The following MMP12 variants were observed in gnomAD, a reference collection of about 807,000 sequenced individuals.
The protein encoded by MMP12 is macrophage metalloelastase.
MMP12 carries 51 observed loss-of-function variants against 45.2 expected under a neutral mutation model. The ratio of observed to expected loss-of-function variants is 1.13; its 90% CI spans 0.90 to 1.42. The LOEUF (loss-of-function observed/expected upper bound fraction) is 1.42. Among genes scored for constraint, MMP12 ranks in the 40% most tolerant of loss-of-function variants. MMP12 has a pLI of 0.00. For synonymous variants in MMP12, 210 were observed against 193.3 expected, an observed-to-expected ratio of 1.09 and a Z score of -0.72; for missense variants, 530 against 570.8, an observed-to-expected ratio of 0.93 and a Z score of 0.73.
At position 102,865,900 on chromosome 11, in the gene MMP12, C is replaced by G. The variant is rs782690905; in HGVS notation, c.1081G>C (p.Glu361Gln). ...KYWLISNLRP[E>Q]PNYPKSIHSF... Reference sequence around the variant, plus strand: ...TGTATGCTCTTGGGATAATTTGGCTCTGGTCTTAAATTGCTAATTAACCAG... The same window carrying G: ...TGTATGCTCTTGGGATAATTTGGCTGTGGTCTTAAATTGCTAATTAACCAG... The change falls in exon 8 of 10, where the codon GAG becomes CAG. Residue 361 changes from glutamate (E) to glutamine (Q), a missense_variant. Physicochemically the swap from Glu to Gln is conservative, Grantham distance 29. Coordinates refer to ENST00000571244, the MANE Select transcript of MMP12 (RefSeq NM_002426.6). This position sits in a 1 kb window ranked among gnomAD's most constrained non-coding sequence, Gnocchi z 4.1. The G allele has an allele frequency of 8.1e-6, 13 of 1,612,780 alleles. No homozygotes were observed. In the South Asian group the frequency reaches 1.3e-4, roughly 16 times the overall value.
Position 102,867,343 on chromosome 11 carries a change from C to A in MMP12, c.838G>T (p.Ala280Ser). ...AAACTCAAATTGGGGTCACAGAGAG[C>A]TGGTTCTGAATTGTCAGGATTTGGC... ...RLPNPDNSEPALCDPNLSFDA... is the reference protein window; with the variant it reads ...RLPNPDNSEPSLCDPNLSFDA... Residue 280 changes from alanine to serine, a missense_variant, in exon 6 of 10, where the codon GCT (alanine) becomes TCT (serine). By Grantham distance (99) the Ala-to-Ser change is moderately conservative. Transcript: ENST00000571244. 1 of 1,611,514 alleles carries A rather than the reference C, an allele frequency of 6.2e-7. No homozygotes were observed. The highest frequency in any genetic ancestry group is 8.5e-7 in the Non-Finnish European group (1 of 1,178,802).
chr11:102,866,305 T>C lies in MMP12; in HGVS notation c.1045+10A>G, dbSNP rs1555008532. The stretch of plus-strand genomic sequence containing the variant: ...GTAAACTCAATGGCAAAACTAAAGA[T>C]TAGAATTACCTTTAAAAAGAAAAAC... On this transcript the variant is annotated intron_variant, in intron 7 of 9. Transcript: ENST00000571244. 6.4e-7 allele frequency: 1 copy of C among 1,562,014 alleles called. No individual in the cohort carries two copies. Among genetic ancestry groups the C allele is most frequent in the South Asian group, 1.2e-5 (1 of 83,736 alleles).
intron 2 of MMP12, among the ~76,000 whole-genome samples, chr11:102,872,169 A>T (rs545485625): frequency 1.2e-4 from 18 of 152,154 alleles, no homozygotes; most frequent in Non-Finnish European, 2.2e-4. Flanking sequence ...TTTAAAACTC[A>T]CAGATCATCA....
intron 4 of MMP12, among the ~76,000 whole-genome samples, chr11:102,869,762 A>T (rs1472320029): frequency 6.6e-6 from 1 of 151,970 alleles, no homozygotes; most frequent in Non-Finnish European, 1.5e-5. Flanking sequence ...AAAAAAAAAA[A>T]AATTAGCAGG....
chr11:102,869,536 A>G (rs1204213145), intron 4 of MMP12, among the ~76,000 whole-genome samples: 2 of 152,186 alleles, frequency 1.3e-5, no homozygotes, highest in Non-Finnish European at 2.9e-5. Flanking sequence ...TCTGTACTCA[A>G]GTAACCTCAT....
At position 102,867,453 on chromosome 11, in the gene MMP12, A is replaced by C. The variant is rs1859412989; in HGVS notation, c.788-60T>G. 4.1e-6 allele frequency: 6 copies of C among 1,477,760 alleles called. No homozygotes were observed. The South Asian group carries it at 8.3e-5, about 20-fold the overall frequency. 91.5% of individuals were successfully genotyped at this position (1,477,760 alleles called of 1,614,324 possible). A position where few individuals can be genotyped will look rare whatever the true frequency, so the allele number is the denominator to read the frequency against. On this transcript the variant is annotated intron_variant, in intron 5 of 9. Transcript: ENST00000571244. ...AATCTGCATTGTAGTTCAGAGGAGG[A>C]ACAGTTATGTTTTAAATACTCAATT...
At chr11:102,871,529 G>A in intron 4 of MMP12, 65 bp downstream of exon 4, 1 of 1,530,120 alleles carries the variant, frequency 6.5e-7, no homozygotes. Context: ...ATTTGTTAGG[G>A]TTTTTGTTGT....
intron 4 of MMP12, among the ~76,000 whole-genome samples, chr11:102,869,426 G>T (rs1859452278): frequency 6.6e-6 from 1 of 151,994 alleles, no homozygotes; most frequent in Non-Finnish European, 1.5e-5. Context: ...ATGCCTATGA[G>T]CCACCACCAC....
At chr11:102,866,551 A>G in intron 6 of MMP12, 103 bp from the exon 7 acceptor site, 1 of 960,640 alleles carries the variant, frequency 1.0e-6, no homozygotes, top group Non-Finnish European at 1.5e-6. Flanking sequence ...ATTTCTTTCC[A>G]TTGTCTTCAC....
rs528425743 is a variant in MMP12 at position 102,865,666 on chromosome 11, G to C, written c.1205+110C>G. On this transcript the variant is annotated intron_variant, in intron 8 of 9. Coordinates refer to ENST00000571244, the MANE Select transcript of MMP12 (RefSeq NM_002426.6). The surrounding 1 kb of genome is among the most constrained non-coding windows in gnomAD (Gnocchi z 4.1). ...TATATTCTCTTAATCTCTCTCCCTG[G>C]AAGGTCAAGGAGCTTTGGGAATTTG... 3.9e-6 allele frequency: 3 copies of C among 777,420 alleles called. No individual in the cohort carries two copies. In the East Asian group the frequency reaches 8.3e-5, roughly 21 times the overall value. The allele number at this position is 777,420 out of a possible 1,614,324, so 48.2% of individuals were successfully genotyped here. A position where few individuals can be genotyped will look rare whatever the true frequency, so the allele number is the denominator to read the frequency against.
chr11:102,867,349 C>T lies in MMP12; in HGVS notation c.832G>A (p.Glu278Lys). ...AAATTGGGGTCACAGAGAGCTGGTT[C>T]TGAATTGTCAGGATTTGGCAAGCGT... ...NQRLPNPDNS[E>K]PALCDPNLSF... Residue 278 changes from glutamate (E) to lysine (K), a missense_variant, in exon 6 of 10, where the codon GAA becomes AAA. Glu to Lys is a moderately conservative substitution (Grantham distance 56). Transcript: ENST00000571244. 1 of 1,611,560 alleles carries T rather than the reference C, an allele frequency of 6.2e-7. No individual in the cohort carries two copies. Among genetic ancestry groups the T allele is most frequent in the African/African-American group, 1.3e-5 (1 of 75,002 alleles).
intron 4 of MMP12, among the ~76,000 whole-genome samples, chr11:102,868,673 T>A (rs1357100834): frequency 6.6e-6 from 1 of 152,210 alleles, no homozygotes; most frequent in Non-Finnish European, 1.5e-5. Context: ...AGGAAGCCAC[T>A]GTGCTCTCCA....
rs535278789 is a variant in MMP12, at chr11:102,863,321, A to G, written c.1313-121T>C. ...ATAGATGACCTATGGGCTGTGGTTC[A>G]TGCCCTTAACTACACACTTTGAGAG... On this transcript the variant is annotated intron_variant, in intron 9 of 9. Coordinates refer to ENST00000571244, the MANE Select transcript of MMP12 (RefSeq NM_002426.6). The G allele has an allele frequency of 1.7e-5, 10 of 585,134 alleles. No individual in the cohort carries two copies. The African/African-American group carries it at 1.9e-4, about 11-fold the overall frequency. 36.2% of individuals were successfully genotyped at this position (585,134 alleles called of 1,614,324 possible). A position where few individuals can be genotyped will look rare whatever the true frequency, so the allele number is the denominator to read the frequency against.
At position 102,874,874 on chromosome 11, in the gene MMP12, A is replaced by T. The variant is rs1299974327; in HGVS notation, c.64T>A (p.Ser22Thr). The T allele has an allele frequency of 5.6e-6, 9 of 1,607,484 alleles. No individual in the cohort carries two copies. Among genetic ancestry groups the T allele is most frequent in the Non-Finnish European group, 6.8e-6 (8 of 1,176,852 alleles). Residue 22 changes from serine (S) to threonine (T), a missense_variant, in exon 1 of 10, where the codon TCT becomes ACT. Physicochemically the swap from Ser to Thr is moderately conservative, Grantham distance 58. Transcript: ENST00000571244. The part of the protein sequence containing the change: ...TASGALPLNS[S>T]TSLEKNNVLF... Reference sequence around the variant, plus strand: ...ACATTATTTTTTTCCAGGCTTGTAGAGCTGTTCAGGGGAAGAGCTCCAGAA... The same window carrying T: ...ACATTATTTTTTTCCAGGCTTGTAGTGCTGTTCAGGGGAAGAGCTCCAGAA...
At chr11:102,872,573 C>A (rs1032786006) in intron 2 of MMP12, among the ~76,000 whole-genome samples, 1 of 152,152 alleles carries the variant, frequency 6.6e-6, no homozygotes, top group South Asian at 2.1e-4. Flanking sequence ...CATCTCCTGA[C>A]CTCGTGATCC....
chr11:102,872,886 C>T lies in MMP12; in HGVS notation c.329G>A (p.Arg110Lys). Residue 110 changes from arginine (R) to lysine (K), a missense_variant, in exon 2 of 10, where the codon AGG (arginine) becomes AAG (lysine). Transcript: ENST00000571244. ...TTACCTGTAGGTGATATAATGTTTC[C>T]TCCATACGGGCCCCCCTGGCATTTC... The part of the protein sequence containing the change: ...FREMPGGPVW[R>K]KHYITYRINN... 1 of 1,613,756 alleles carries T rather than the reference C, an allele frequency of 6.2e-7. No individual in the cohort carries two copies. The highest frequency in any genetic ancestry group is 8.5e-7 in the Non-Finnish European group (1 of 1,179,826).
chr11:102,872,890 A>G lies in MMP12; in HGVS notation c.325T>C (p.Trp109Arg). ...HFREMPGGPV[W>R]RKHYITYRIN... is the part of the protein sequence containing the mutation. Reference sequence around the variant, plus strand: ...CTGTAGGTGATATAATGTTTCCTCCATACGGGCCCCCCTGGCATTTCCCTG... The same window carrying G: ...CTGTAGGTGATATAATGTTTCCTCCGTACGGGCCCCCCTGGCATTTCCCTG... The change falls in exon 2 of 10, where the codon TGG (tryptophan) becomes CGG (arginine). Residue 109 changes from tryptophan to arginine, a missense_variant. Physicochemically the swap from Trp to Arg is moderately radical, Grantham distance 101. Coordinates refer to ENST00000571244, the MANE Select transcript of MMP12 (RefSeq NM_002426.6). 1.9e-6 allele frequency: 3 copies of G among 1,613,884 alleles called. No individual in the cohort carries two copies. The highest frequency in any genetic ancestry group is 2.5e-6 in the Non-Finnish European group (3 of 1,179,852).
chr11:102,867,417 T>C (rs1319885057), intron 5 of MMP12, 24 bp from the exon 6 acceptor site: 4 of 1,589,652 alleles, frequency 2.5e-6, no homozygotes, highest in African/African-American at 1.4e-5. Context: ...TCGAGAAGCA[T>C]TAGTAAACAA....
Position 102,872,862 on chromosome 11 carries a change from T to A in MMP12, c.350+3A>T. Reference sequence around the variant, plus strand: ...AATACAGGGCGACATACACCAACGTTACCTGTAGGTGATATAATGTTTCCT... The same window carrying A: ...AATACAGGGCGACATACACCAACGTAACCTGTAGGTGATATAATGTTTCCT... On this transcript the variant is annotated splice_donor_region_variant and intron_variant, in intron 2 of 9. Coordinates refer to ENST00000571244, the MANE Select transcript of MMP12 (RefSeq NM_002426.6). 1 of 1,613,604 alleles carries A rather than the reference T, an allele frequency of 6.2e-7. No individual in the cohort carries two copies. Among genetic ancestry groups the A allele is most frequent in the Non-Finnish European group, 8.5e-7 (1 of 1,179,782 alleles).
Sources: allele counts gnomAD v4.1 joint callset (sites outside exome capture counted in the v4.1 genomes callset), GRCh38; gene constraint gnomAD v4.1.1; non-coding constraint Gnocchi (gnomAD v3.1); transcripts MANE v1.5; gene names NCBI Gene and HGNC (gene_info 2026-07-23, HGNC 2026-07-21).